BBX: variants seen among roughly 807,000 people sequenced by gnomAD.
The protein encoded by BBX is BBX high mobility group box domain containing.
BBX carries 30 observed loss-of-function variants against 100.2 expected under a neutral mutation model. That is an observed-to-expected ratio of 0.30 (90% CI 0.22 to 0.41). The LOEUF is 0.41. Among genes scored for constraint, BBX ranks in the 10% least tolerant of loss-of-function variants. The pLI, the probability that BBX is intolerant of heterozygous loss-of-function variation, is 1.00. For missense variants in BBX, 1,023 were observed against 1,129.8 expected (o/e 0.91, Z 1.35); for synonymous variants, 376 against 388.1 (o/e 0.97, Z 0.37).
At position 107,673,832 on chromosome 3, in the gene BBX, T is replaced by C. The variant is rs2059145644; in HGVS notation, c.-10+27923T>C. Among the ~76,000 whole-genome samples the C allele has an allele frequency of 2.6e-5, 4 of 152,214 alleles. No individual in the cohort carries two copies. The South Asian group carries it at 8.3e-4, about 31-fold the overall frequency. On this transcript the variant is annotated intron_variant, in intron 3 of 17. Transcript: ENST00000325805. Reference sequence around the variant, plus strand: ...GCCCACTTGTTAGAAATACATTTCTTCATGTATAAACACATACCTTTTCCA... The same window carrying C: ...GCCCACTTGTTAGAAATACATTTCTCCATGTATAAACACATACCTTTTCCA...
chr3:107,541,754 G>C (rs1453560118), intron 2 of BBX, among the ~76,000 whole-genome samples: 1 of 151,794 alleles, frequency 6.6e-6, no homozygotes, highest in Non-Finnish European at 1.5e-5. Flanking sequence ...TCCTATTTCT[G>C]TAACATGTTC....
intron 2 of BBX, among the ~76,000 whole-genome samples, chr3:107,574,583 G>GAAATTCTTC (rs900043342): frequency 1.3e-5 from 2 of 152,220 alleles, no homozygotes; most frequent in African/African-American, 4.8e-5. Context: ...TGAAGTAAAG[G>GAAATTCTTC]AAATTCTTCA....
chr3:107,769,227 T>TAGATAGATAGATAGACAGAC (rs776680873), intron 10 of BBX, among the ~76,000 whole-genome samples: 1 of 89,784 alleles, frequency 1.1e-5, no homozygotes, highest in African/African-American at 3.9e-5. Flanking sequence ...GATAGATAGA[T>TAGATAGATAGATAGACAGAC]AGACAGATAG....
Position 107,729,015 on chromosome 3 carries a change from G to T in BBX, c.601+55G>T. 1.9e-6 allele frequency: 3 copies of T among 1,547,168 alleles called. No homozygotes were observed. In the South Asian group the frequency reaches 3.7e-5, roughly 19 times the overall value. On this transcript the variant is annotated intron_variant, in intron 6 of 17. Coordinates refer to ENST00000325805, the MANE Select transcript of BBX (RefSeq NM_001142568.3). ...TTTAAGGACAGGGCAATACATTTCG[G>T]CAGCATTTTAAACAATACTGAGGGC...
intron 2 of BBX, among the ~76,000 whole-genome samples, chr3:107,564,809 A>C (rs2050763700): frequency 6.6e-6 from 1 of 152,114 alleles, no homozygotes; most frequent in East Asian, 1.9e-4. Context: ...ATTTCTTTTC[A>C]CAATTTTTTG....
intron 2 of BBX, among the ~76,000 whole-genome samples, chr3:107,638,786 C>T (rs1456508679): frequency 8.1e-5 from 1 of 12,372 alleles, no homozygotes; most frequent in African/African-American, 1.1e-3. Flanking sequence ...AGTATACACA[C>T]ACACACACAC....
At position 107,809,165 on chromosome 3, in the gene BBX, G is replaced by C. The variant is rs1307865607; in HGVS notation, c.*3708G>C. The C allele has an allele frequency of 6.6e-6, 1 of 152,208 alleles. No individual in the cohort carries two copies. The highest frequency in any genetic ancestry group is 1.5e-5 in the Non-Finnish European group (1 of 68,028). 9.4% of individuals were successfully genotyped at this position (152,208 alleles called of 1,614,324 possible). The stretch of plus-strand genomic sequence containing the variant: ...CACAAGCTAATTACAAATTGCTACA[G>C]AACAGGAGTAAGCTGAAAACTGAAT... On this transcript the variant is annotated 3_prime_UTR_variant, in exon 18 of 18. Transcript: ENST00000325805.
intron 2 of BBX, among the ~76,000 whole-genome samples, chr3:107,537,647 C>G (rs2048590965): frequency 6.6e-6 from 1 of 152,128 alleles, no homozygotes; most frequent in South Asian, 2.1e-4. Context: ...TGGAGAACAC[C>G]CGTGAGCTTG....
chr3:107,688,731 A>G (rs899002080), intron 3 of BBX, among the ~76,000 whole-genome samples: 1 of 152,178 alleles, frequency 6.6e-6, no homozygotes, highest in South Asian at 2.1e-4. Flanking sequence ...TCCAACTCAT[A>G]TTTTATAATC....
At chr3:107,791,830 G>A (rs562326980) in intron 15 of BBX, among the ~76,000 whole-genome samples, 8 of 152,250 alleles carry the variant, frequency 5.3e-5, no homozygotes, top group African/African-American at 1.2e-4. Flanking sequence ...GTGAAACCCC[G>A]TCTGTACTAA....
In BBX at chr3:107,773,238, C is replaced by A. The variant is rs1306701559; in HGVS notation, c.1517C>A (p.Thr506Asn). 40 of 1,613,892 alleles carry A rather than the reference C, an allele frequency of 2.5e-5. No individual in the cohort carries two copies. The highest frequency in any genetic ancestry group is 3.4e-5 in the Non-Finnish European group (40 of 1,179,988). The change falls in exon 11 of 18, where the codon ACC becomes AAC. Residue 506 changes from threonine to asparagine, a missense_variant. Thr to Asn is a moderately conservative substitution (Grantham distance 65). Around this residue, in one of 9 missense-constraint regions of BBX, gnomAD observed 348 missense variants for 353.2 expected, o/e 0.99. Coordinates refer to ENST00000325805, the MANE Select transcript of BBX (RefSeq NM_001142568.3). This position sits in a 1 kb window ranked among gnomAD's most constrained non-coding sequence, Gnocchi z 4.1. ...GDWGIEKLGDTPRKKVRTSSS... is the reference protein window; with the variant it reads ...GDWGIEKLGDNPRKKVRTSSS... ...TGGGGCATAGAGAAACTTGGAGATA[C>A]CCCTCGCAAGAAGGTCCGCACATCC...
intron 15 of BBX, among the ~76,000 whole-genome samples, chr3:107,793,791 T>A (rs1407312191): frequency 1.3e-5 from 2 of 152,204 alleles, no homozygotes; most frequent in Admixed American, 1.3e-4. Context: ...TCTTCTAAAG[T>A]AGATGACTTC....
intron 2 of BBX, among the ~76,000 whole-genome samples, chr3:107,550,640 A>G (rs1383240372): frequency 6.6e-6 from 1 of 152,184 alleles, no homozygotes; most frequent in Non-Finnish European, 1.5e-5. Context: ...GAGTAACTAC[A>G]AGGGAAATGT....
intron 3 of BBX, among the ~76,000 whole-genome samples, chr3:107,651,849 A>G (rs913864265): frequency 6.6e-6 from 1 of 151,422 alleles, no homozygotes; most frequent in African/African-American, 2.4e-5. Flanking sequence ...AACCTGCCTT[A>G]TTTTGTTGTT....
At chr3:107,691,238 C>T (rs146898367) in intron 3 of BBX, among the ~76,000 whole-genome samples, 13 of 152,016 alleles carry the variant, frequency 8.6e-5, no homozygotes, top group Non-Finnish European at 1.6e-4. Context: ...AGAAAAAAGG[C>T]GAGCAAATAA....
chr3:107,538,150 T>C (rs570478968), intron 2 of BBX, among the ~76,000 whole-genome samples: 1 of 152,320 alleles, frequency 6.6e-6, no homozygotes, highest in Admixed American at 6.5e-5. Context: ...TTGGGTGCAA[T>C]ACATACTTAG....
At chr3:107,542,742 T>G (rs915395682) in intron 2 of BBX, among the ~76,000 whole-genome samples, 1 of 152,184 alleles carries the variant, frequency 6.6e-6, no homozygotes, top group African/African-American at 2.4e-5. Context: ...TAAATGGTGT[T>G]GCTGGCATTC....
At chr3:107,712,720 C>T (rs551013765) in intron 4 of BBX, among the ~76,000 whole-genome samples, 1 of 152,168 alleles carries the variant, frequency 6.6e-6, no homozygotes, top group Non-Finnish European at 1.5e-5. Context: ...CTCAACAAAG[C>T]AGCCAGAGGA....
At chr3:107,573,188 C>T (rs1383677465) in intron 2 of BBX, among the ~76,000 whole-genome samples, 1 of 152,158 alleles carries the variant, frequency 6.6e-6, no homozygotes, top group African/African-American at 2.4e-5. Flanking sequence ...GATTAAGAAG[C>T]ATTCTCCGTG....
Sources: allele counts gnomAD v4.1 joint callset (sites outside exome capture counted in the v4.1 genomes callset), GRCh38; gene constraint gnomAD v4.1.1; regional missense constraint gnomAD v4.1.1; non-coding constraint Gnocchi (gnomAD v3.1); transcripts MANE v1.5; gene names NCBI Gene and HGNC (gene_info 2026-07-23, HGNC 2026-07-21).